SLFN11: variants seen among roughly 807,000 people sequenced by gnomAD.
SLFN11 encodes the protein schlafen family member 11.
SLFN11 carries 43 observed loss-of-function variants against 53.4 expected under a neutral mutation model. That is an observed-to-expected ratio of 0.80 (90% CI 0.63 to 1.04). The LOEUF is 1.04. SLFN11 is among the 50% of genes least tolerant of loss of function. SLFN11 has a pLI of 0.00. For missense variants in SLFN11, 990 were observed against 1,079.1 expected (o/e 0.92, Z 1.16); for synonymous variants, 389 against 394.7 (o/e 0.99, Z 0.17).
rs775432988 is a variant in SLFN11, at chr17:35,363,652, A to C, written c.156T>G (p.Ala52=). The change falls in exon 4 of 7, where the codon GCT becomes GCG. Residue 52 remains alanine, a synonymous_variant. Coordinates refer to ENST00000685675, the MANE Select transcript of SLFN11 (RefSeq NM_001376007.1). ...EKERVMRAAC[A]LLNSGGGVIR... is the part of the protein sequence containing the mutation. ...TCACTCCTCCTCCTGAGTTTAATAA[A>C]GCACATGCAGCCCGCATAACTCTCT... 15 of 1,613,760 alleles carry C rather than the reference A, an allele frequency of 9.3e-6. No homozygotes were observed. The highest frequency in any genetic ancestry group is 1.3e-5 in the Non-Finnish European group (15 of 1,179,982).
At chr17:35,360,454 C>CT in intron 4 of SLFN11, 83 bp from the exon 5 acceptor site, 1 of 1,272,262 alleles carries the variant, frequency 7.9e-7, no homozygotes, top group Non-Finnish European at 1.1e-6. Flanking sequence ...GAATGTGTGA[C>CT]TTTCTAAATA....
chr17:35,355,310 G>A (rs1420660581), intron 5 of SLFN11, among the ~76,000 whole-genome samples: 1 of 152,064 alleles, frequency 6.6e-6, no homozygotes, highest in Admixed American at 6.5e-5. Context: ...TGAGGTGGGA[G>A]GATTGCTTGA....
intron 3 of SLFN11, among the ~76,000 whole-genome samples, chr17:35,366,443 T>A (rs1447907744): frequency 6.6e-6 from 1 of 152,148 alleles, no homozygotes; most frequent in African/African-American, 2.4e-5. Context: ...TGCATCATTA[T>A]TTGAAAATTA....
At chr17:35,369,232 G>C (rs990185629) in intron 1 of SLFN11, among the ~76,000 whole-genome samples, 3 of 152,064 alleles carry the variant, frequency 2.0e-5, no homozygotes, top group Non-Finnish European at 4.4e-5. Flanking sequence ...GGAGTCCACT[G>C]TCCTGAAGAG....
chr17:35,372,185 C>T (rs1420245025), intron 1 of SLFN11, among the ~76,000 whole-genome samples: 1 of 152,104 alleles, frequency 6.6e-6, no homozygotes, highest in African/African-American at 2.4e-5. Context: ...ACGAATGGAA[C>T]TTGAAATCAT....
chr17:35,362,094 T>C (rs1473947512), intron 4 of SLFN11, among the ~76,000 whole-genome samples: 3 of 152,070 alleles, frequency 2.0e-5, no homozygotes, highest in Non-Finnish European at 2.9e-5. Flanking sequence ...TAAACAGATC[T>C]AGTTGAGAAG....
intron 5 of SLFN11, among the ~76,000 whole-genome samples, chr17:35,354,817 GTAGTGT>G (rs1362800256): frequency 6.6e-6 from 1 of 152,086 alleles, no homozygotes; most frequent in East Asian, 1.9e-4. Context: ...TCCTGTTGTG[GTAGTGT>G]TAGAGTACAA....
intron 1 of SLFN11, among the ~76,000 whole-genome samples, chr17:35,370,613 A>C (rs1466791629): frequency 2.0e-5 from 3 of 152,184 alleles, no homozygotes; most frequent in Non-Finnish European, 4.4e-5. Flanking sequence ...GAACTGATAA[A>C]CAAATTCAGT....
chr17:35,371,562 A>G (rs536063179), intron 1 of SLFN11, among the ~76,000 whole-genome samples: 3 of 152,304 alleles, frequency 2.0e-5, no homozygotes, highest in East Asian at 3.9e-4. Flanking sequence ...AAATATTTGC[A>G]AATTAACCAT....
In SLFN11 at chr17:35,354,000, G is replaced by T; in HGVS notation, c.1258C>A (p.His420Asn). 6.2e-7 allele frequency: 1 copy of T among 1,613,874 alleles called. No individual in the cohort carries two copies. Reference sequence around the variant, plus strand: ...TTTATTAACTCCTCTAGTCCTCTGTGCTCTGAGATCAGGTCCCTCCAGAGT... The same window carrying T: ...TTTATTAACTCCTCTAGTCCTCTGTTCTCTGAGATCAGGTCCCTCCAGAGT... ...ESLWRDLISE[H>N]RGLEELINKQ... Residue 420 changes from histidine (H) to asparagine (N), a missense_variant, in exon 6 of 7, where the codon CAC becomes AAC. Around this residue, in one of 3 missense-constraint regions of SLFN11, gnomAD observed 521 missense variants for 516.2 expected, o/e 1.01. Coordinates refer to ENST00000685675, the MANE Select transcript of SLFN11 (RefSeq NM_001376007.1).
At chr17:35,369,987 G>A (rs1909446832) in intron 1 of SLFN11, among the ~76,000 whole-genome samples, 1 of 152,078 alleles carries the variant, frequency 6.6e-6, no homozygotes, top group South Asian at 2.1e-4. Flanking sequence ...ATTAGAGAAG[G>A]AGGGAATACT....
At chr17:35,360,158 A>G in intron 5 of SLFN11, 85 bp downstream of exon 5, 1 of 1,426,864 alleles carries the variant, frequency 7.0e-7, no homozygotes. Context: ...CACTTTCAGG[A>G]TTTTACAAAA....
At chr17:35,361,558 C>T (rs2141960211) in intron 4 of SLFN11, among the ~76,000 whole-genome samples, 1 of 151,984 alleles carries the variant, frequency 6.6e-6, no homozygotes, top group African/African-American at 2.4e-5. Flanking sequence ...AACTCCAGGG[C>T]TCAAGTGATC....
At position 35,363,051 on chromosome 17, in the gene SLFN11, T is replaced by A; in HGVS notation, c.757A>T (p.Lys253Ter). The A allele has an allele frequency of 6.2e-7, 1 of 1,614,054 alleles. No homozygotes were observed. The highest frequency in any genetic ancestry group is 8.5e-7 in the Non-Finnish European group (1 of 1,179,982). The change falls in exon 4 of 7, where the codon AAG becomes TAG. Residue 253 changes from lysine to a stop codon, truncating the protein, a stop_gained. Transcript: ENST00000685675. LOFTEE classifies it high-confidence loss of function. ...GGYLFIGVDD[K>*]SREVLGCAKE... ...GCACATCCCAGGACTTCCCTACTCT[T>A]ATCATCCACTCCAATAAAAAGATAG...
chr17:35,352,669 C>A lies in SLFN11; in HGVS notation c.2393G>T (p.Arg798Leu). 1 of 1,613,946 alleles carries A rather than the reference C, an allele frequency of 6.2e-7. No homozygotes were observed. The part of the protein sequence containing the change: ...IMTCVADTCR[R>L]FFDRGYSPKD... ...TGGAGAATAGCCCCTATCAAAGAAGCGCCTGCACGTGTCTGCCACACAGGT... is the reference window on the plus strand; with the variant it reads ...TGGAGAATAGCCCCTATCAAAGAAGAGCCTGCACGTGTCTGCCACACAGGT... Residue 798 changes from arginine (R) to leucine (L), a missense_variant, in exon 7 of 7, where the codon CGC (arginine) becomes CTC (leucine). Physicochemically the swap from Arg to Leu is moderately radical, Grantham distance 102 (BLOSUM62 -2). Transcript: ENST00000685675.
In SLFN11 at chr17:35,362,933, G is replaced by A. The variant is rs142137401; in HGVS notation, c.875C>T (p.Pro292Leu). 3.8e-5 allele frequency: 61 copies of A among 1,613,582 alleles called. No individual in the cohort carries two copies. In the African/African-American group the frequency reaches 4.8e-4, roughly 13 times the overall value. Residue 292 changes from proline (P) to leucine (L), a missense_variant, in exon 4 of 7, where the codon CCG (proline) becomes CTG (leucine). Around this residue, in one of 3 missense-constraint regions of SLFN11, gnomAD observed 521 missense variants for 516.2 expected, o/e 1.01. Coordinates refer to ENST00000685675, the MANE Select transcript of SLFN11 (RefSeq NM_001376007.1). ...PCVHFCQPQR[P>L]ITFTLKIVNV... is the part of the protein sequence containing the mutation. Reference sequence around the variant, plus strand: ...CACAATTTTGAGTGTGAAGGTTATCGGGCGTTGGGGTTGGCAAAAATGAAC... The same window carrying A: ...CACAATTTTGAGTGTGAAGGTTATCAGGCGTTGGGGTTGGCAAAAATGAAC...
chr17:35,372,222 A>G (rs961710767), intron 1 of SLFN11, among the ~76,000 whole-genome samples: 2 of 152,172 alleles, frequency 1.3e-5, no homozygotes, highest in African/African-American at 4.8e-5. Flanking sequence ...AGCCAGGCAG[A>G]GAAAGACAAA....
chr17:35,363,144 G>A lies in SLFN11; in HGVS notation c.664C>T (p.His222Tyr), dbSNP rs1249843272. ...GTCCTTTTTACATATTCTTGGAAGT[G>A]TTTTGTAGAGAACTGTTTAAACTCT... is the stretch of plus-strand genomic sequence containing the variant. The part of the protein sequence containing the change: ...LVEFKQFSTK[H>Y]FQEYVKRTIP... Residue 222 changes from histidine to tyrosine, a missense_variant, in exon 4 of 7, where the codon CAC (histidine) becomes TAC (tyrosine). His to Tyr is a moderately conservative substitution (Grantham distance 83). This residue lies in a region of SLFN11 where 521 missense variants were observed against 516.2 expected (regional missense o/e 1.01). Transcript: ENST00000685675. The A allele has an allele frequency of 1.2e-6, 2 of 1,613,794 alleles. No homozygotes were observed. Among genetic ancestry groups the A allele is most frequent in the Admixed American group, 3.3e-5 (2 of 59,956 alleles).
At chr17:35,354,191 A>G (rs539978889) in intron 5 of SLFN11, 132 bp from the exon 6 acceptor site, 12 of 675,282 alleles carry the variant, frequency 1.8e-5, no homozygotes, top group Non-Finnish European at 2.5e-5. Context: ...TATAAATATT[A>G]TTATATTATA....
Sources: gnomAD v4.1 joint callset for allele counts (sites outside exome capture counted in the v4.1 genomes callset) on GRCh38, gnomAD v4.1.1 for gene constraint, gnomAD v4.1.1 regional missense constraint, MANE v1.5 for transcripts, NCBI Gene and HGNC (gene_info 2026-07-23, HGNC 2026-07-21) for gene names.